Variants in INSL6 observed in about 807,000 individuals in gnomAD.
INSL6 encodes the protein insulin like 6.
INSL6 carries 16 observed loss-of-function variants against 9.4 expected under a neutral mutation model. The ratio of observed to expected loss-of-function variants is 1.70; its 90% CI spans 1.15 to 2.59. The LOEUF is 2.59. INSL6 is among the 30% of genes most tolerant of loss of function. The probability of loss-of-function intolerance (pLI) is 0.00; values close to 1 mark genes in which losing one functional copy is unlikely to be tolerated. For missense variants in INSL6, 391 were observed against 257.3 expected, an observed-to-expected ratio of 1.52 and a Z score of -3.56; for synonymous variants, 154 against 96.9, an observed-to-expected ratio of 1.59 and a Z score of -3.46.
downstream of INSL6, chr9:5,123,198 A>G (rs962684427): frequency 1.5e-5 from 14 of 906,566 alleles, no homozygotes; most frequent in African/African-American, 3.3e-5. Flanking sequence ...TACAAGTACA[A>G]TTTTGCTACA....
chr9:5,013,652 G>A, the INSL6 span, among the ~76,000 whole-genome samples: 32 of 151,966 alleles, frequency 2.1e-4, no homozygotes, highest in Non-Finnish European at 1.2e-4. Context: ...TTCATTACTT[G>A]TCAAAATTCT....
chr9:5,030,842 A>G, the INSL6 span, among the ~76,000 whole-genome samples: 1 of 152,116 alleles, frequency 6.6e-6, no homozygotes, highest in African/African-American at 2.4e-5. Context: ...ATTTGCACTG[A>G]GTTCAAAAAA....
At chr9:5,076,121 T>C in the INSL6 span, among the ~76,000 whole-genome samples, 1 of 152,144 alleles carries the variant, frequency 6.6e-6, no homozygotes, top group East Asian at 1.9e-4. Context: ...TTGCTTCTTA[T>C]GGATAAGCAG....
the INSL6 span, chr9:5,070,152 T>A: frequency 1.3e-6 from 1 of 772,010 alleles, no homozygotes; most frequent in Non-Finnish European, 1.9e-6. Flanking sequence ...TTTTGTTATA[T>A]ACAAATTTAG....
At chr9:5,097,608 T>C in the INSL6 span, 1 of 151,324 alleles carries the variant, frequency 6.6e-6, no homozygotes, top group Non-Finnish European at 1.5e-5. Context: ...CTATGCCTAC[T>C]GGCATCAAGG....
At chr9:5,143,490 ATTATCTGATGGTTGTCTGTAT>A (rs1824542459) in intron 2 of INSL6, among the ~76,000 whole-genome samples, 1 of 151,800 alleles carries the variant, frequency 6.6e-6, no homozygotes. Flanking sequence ...TGTTCATAAT[ATTATCTGATGGTTGTCTGTAT>A]TTCTGTGGGG....
the INSL6 span, among the ~76,000 whole-genome samples, chr9:5,028,490 T>A: frequency 6.6e-6 from 1 of 152,200 alleles, no homozygotes; most frequent in East Asian, 1.9e-4. Context: ...TAAAAGTCAC[T>A]TGTTGCATTA....
chr9:5,075,178 C>T, the INSL6 span, among the ~76,000 whole-genome samples: 5 of 152,008 alleles, frequency 3.3e-5, no homozygotes, highest in African/African-American at 1.2e-4. Context: ...GAAAAGAAGC[C>T]ATGTGCACAG....
At chr9:5,161,588 GCAAT>G (rs1201359066), downstream of INSL6, among the ~76,000 whole-genome samples, 1 of 152,088 alleles carries the variant, frequency 6.6e-6, no homozygotes. Context: ...CCAAGCTAGA[GCAAT>G]CAGACAAGAG....
At chr9:5,168,113 G>A (rs1825095663) in intron 1 of INSL6, among the ~76,000 whole-genome samples, 1 of 152,172 alleles carries the variant, frequency 6.6e-6, no homozygotes, top group South Asian at 2.1e-4. Context: ...AACCCATGAA[G>A]ATGAGAAATA....
chr9:5,073,669 C>G, the INSL6 span: 1 of 1,527,556 alleles, frequency 6.5e-7, no homozygotes, highest in Non-Finnish European at 9.0e-7. Context: ...AGTCAAACAA[C>G]AATTCTTTGT....
chr9:5,023,086 T>A, the INSL6 span, among the ~76,000 whole-genome samples: 1 of 152,230 alleles, frequency 6.6e-6, no homozygotes, highest in Admixed American at 6.5e-5. Flanking sequence ...ACCCTACTCT[T>A]CTATCAAACA....
the INSL6 span, chr9:5,070,087 T>C: frequency 1.3e-6 from 2 of 1,501,012 alleles, no homozygotes; most frequent in Non-Finnish European, 1.8e-6. Context: ...GTCTTTTTTG[T>C]CCTTTTAAAA....
chr9:5,175,420 T>C (rs1825276085), intron 1 of INSL6, among the ~76,000 whole-genome samples: 5 of 152,160 alleles, frequency 3.3e-5, no homozygotes, highest in Admixed American at 1.3e-4. Flanking sequence ...GTAGCCAGAG[T>C]GATCCATTTA....
intron 1 of INSL6, among the ~76,000 whole-genome samples, chr9:5,168,173 A>T (rs1239007065): frequency 2.6e-5 from 4 of 152,232 alleles, no homozygotes; most frequent in Non-Finnish European, 5.9e-5. Context: ...CCTCTTCTCC[A>T]AATGATCGTA....
downstream of INSL6, chr9:5,122,874 G>A (rs1586841871): frequency 1.4e-5 from 7 of 508,434 alleles, no homozygotes; most frequent in Admixed American, 2.3e-4. Flanking sequence ...AATCATAGAA[G>A]CCTCAGGCCT....
At chr9:5,095,470 G>A in the INSL6 span, among the ~76,000 whole-genome samples, 12 of 151,966 alleles carry the variant, frequency 7.9e-5, no homozygotes, top group East Asian at 1.2e-3. Flanking sequence ...CCCGTCCTCC[G>A]GGCAATGGAC....
the INSL6 span, chr9:5,050,535 T>A: frequency 1.4e-6 from 1 of 708,914 alleles, no homozygotes; most frequent in Non-Finnish European, 2.3e-6. Flanking sequence ...CCTCCCAAAG[T>A]TCTGGGATTA....
chr9:5,040,544 G>A, the INSL6 span, among the ~76,000 whole-genome samples: 1 of 152,234 alleles, frequency 6.6e-6, no homozygotes, highest in African/African-American at 2.4e-5. Context: ...CAAAATGGAA[G>A]CAAATGTTTG....
Sources: gnomAD v4.1 joint callset for allele counts (sites outside exome capture counted in the v4.1 genomes callset) on GRCh38, gnomAD v4.1.1 for gene constraint, MANE v1.5 for transcripts, NCBI Gene and HGNC (gene_info 2026-07-23, HGNC 2026-07-21) for gene names.